The following ZNF148 variants were observed in gnomAD, a reference collection of about 807,000 sequenced individuals.
The protein encoded by ZNF148 is Beta-Enolase Repressor Factor-1.
Under a neutral mutation model 67.7 loss-of-function variants are expected in ZNF148, and 7 were observed. That is an observed-to-expected ratio of 0.10 (90% CI 0.06 to 0.19). The LOEUF (loss-of-function observed/expected upper bound fraction) is 0.19. Ranked by LOEUF, ZNF148 falls within the 10% of genes least tolerant of loss-of-function variation. The pLI, the probability that ZNF148 is intolerant of heterozygous loss-of-function variation, is 1.00. For synonymous variants in ZNF148, 333 were observed against 330.7 expected, an observed-to-expected ratio of 1.01 and a Z score of -0.08; for missense variants, 583 against 947.1, an observed-to-expected ratio of 0.62 and a Z score of 5.05.
chr3:125,272,043 T>C (rs1052637284), intron 7 of ZNF148, among the ~76,000 whole-genome samples: 15 of 152,210 alleles, frequency 9.9e-5, no homozygotes, highest in Non-Finnish European at 2.9e-5. Flanking sequence ...GCTTCCATCA[T>C]ACCTTTGCTT....
At chr3:125,328,046 G>A (rs1187758365) in intron 2 of ZNF148, among the ~76,000 whole-genome samples, 1 of 151,504 alleles carries the variant, frequency 6.6e-6, no homozygotes, top group Non-Finnish European at 1.5e-5. Flanking sequence ...CTTCCATCAT[G>A]AGTCCCAATA....
chr3:125,256,129 C>T (rs1408575359), intron 7 of ZNF148, among the ~76,000 whole-genome samples: 4 of 151,558 alleles, frequency 2.6e-5, no homozygotes, highest in African/African-American at 4.9e-5. Flanking sequence ...TTTGGGAGGC[C>T]GAGGCGGGTG....
intron 7 of ZNF148, among the ~76,000 whole-genome samples, chr3:125,277,453 T>C (rs1479246139): frequency 2.0e-5 from 3 of 152,178 alleles, no homozygotes; most frequent in Admixed American, 1.3e-4. Flanking sequence ...CCTAAGGAAA[T>C]AGCAATTTCA....
intron 4 of ZNF148, among the ~76,000 whole-genome samples, chr3:125,299,252 T>C (rs1218940256): frequency 1.3e-5 from 2 of 152,378 alleles, no homozygotes; most frequent in East Asian, 3.8e-4. Context: ...GGTGTACTAC[T>C]AGTTTAAGAG....
At position 125,279,173 on chromosome 3, in the gene ZNF148, A is replaced by G; in HGVS notation, c.534T>C (p.Ala178=). The part of the protein sequence containing the change: ...PKSHVCEHCN[A]AFRTNYHLQR... ...GTAAGTGATAGTTCGTTCTAAAGGC[A>G]GCATTGCAGTGCTCACAAACGTGAG... The change falls in exon 6 of 9, where the codon GCT becomes GCC. Residue 178 remains alanine, a synonymous_variant. Coordinates refer to ENST00000360647, the MANE Select transcript of ZNF148 (RefSeq NM_021964.3). 6.2e-7 allele frequency: 1 copy of G among 1,609,968 alleles called. No individual in the cohort carries two copies. The highest frequency in any genetic ancestry group is 1.1e-5 in the South Asian group (1 of 89,960).
intron 1 of ZNF148, among the ~76,000 whole-genome samples, chr3:125,355,206 TA>T (rs1241408031): frequency 1.3e-5 from 2 of 152,220 alleles, no homozygotes; most frequent in Non-Finnish European, 2.9e-5. Context: ...AAAAGATTTA[TA>T]ATATACATGA....
At chr3:125,277,971 T>C (rs1408195169) in intron 6 of ZNF148, among the ~76,000 whole-genome samples, 162 bp from the exon 7 acceptor site, 2 of 152,076 alleles carry the variant, frequency 1.3e-5, no homozygotes, top group African/African-American at 4.8e-5. Context: ...GTCCTCTCAA[T>C]TTTTTTCCCA....
chr3:125,316,728 C>A (rs1031518450), intron 3 of ZNF148, among the ~76,000 whole-genome samples: 2 of 152,026 alleles, frequency 1.3e-5, no homozygotes, highest in Non-Finnish European at 2.9e-5. Flanking sequence ...TGTTTGAGCT[C>A]CGTATATATT....
intron 1 of ZNF148, among the ~76,000 whole-genome samples, chr3:125,335,116 C>A (rs1941438426): frequency 6.6e-6 from 1 of 152,198 alleles, no homozygotes; most frequent in Non-Finnish European, 1.5e-5. Flanking sequence ...GTACTGCCCA[C>A]CTCCTAACAT....
At chr3:125,359,824 C>T (rs1942480004) in intron 1 of ZNF148, among the ~76,000 whole-genome samples, 1 of 152,226 alleles carries the variant, frequency 6.6e-6, no homozygotes, top group South Asian at 2.1e-4. Flanking sequence ...CAGCGAGCGC[C>T]CACCTGCCTG....
At chr3:125,283,989 A>G (rs1938527737) in intron 5 of ZNF148, among the ~76,000 whole-genome samples, 2 of 152,166 alleles carry the variant, frequency 1.3e-5, no homozygotes, top group South Asian at 4.1e-4. Flanking sequence ...GTACCTGATG[A>G]GAGATCCTGG....
rs1177738341 is a variant in ZNF148 at position 125,243,532 on chromosome 3, T to G, written c.668-9203A>C. 3.3e-5 allele frequency among the ~76,000 whole-genome samples: 5 copies of G among 152,300 alleles called. No individual in the cohort carries two copies. The East Asian group carries it at 9.6e-4, about 29-fold the overall frequency. On this transcript the variant is annotated intron_variant, in intron 7 of 8. Transcript: ENST00000360647. ...TACTTTCGTATGTTTCTGATTCTTTTTTTTGAAGAGCAGGGTCTCACTCTG... is the reference window on the plus strand; with the variant it reads ...TACTTTCGTATGTTTCTGATTCTTTGTTTTGAAGAGCAGGGTCTCACTCTG...
chr3:125,293,172 G>T (rs1379961020), intron 4 of ZNF148, among the ~76,000 whole-genome samples: 1 of 152,040 alleles, frequency 6.6e-6, no homozygotes, highest in Non-Finnish European at 1.5e-5. Context: ...AAGCTCTGAG[G>T]AGTCCTCAGT....
intron 5 of ZNF148, among the ~76,000 whole-genome samples, chr3:125,287,079 C>T (rs1938700186): frequency 6.6e-6 from 1 of 152,068 alleles, no homozygotes; most frequent in African/African-American, 2.4e-5. Flanking sequence ...TGCAAGCCAG[C>T]TCAAGCTGGC....
intron 4 of ZNF148, among the ~76,000 whole-genome samples, chr3:125,298,791 A>AT (rs1418335540): frequency 3.3e-5 from 5 of 150,304 alleles, no homozygotes; most frequent in Non-Finnish European, 4.4e-5. Context: ...TGCCCAGCTA[A>AT]TTTTTTTTTG....
In ZNF148 at chr3:125,248,682, C is replaced by T. The variant is rs77203532; in HGVS notation, c.668-14353G>A. Reference sequence around the variant, plus strand: ...TTTTTTATACTAGCTGCAACTTACACTTTAATTTCATATACACTGTATTTC... The same window carrying T: ...TTTTTTATACTAGCTGCAACTTACATTTTAATTTCATATACACTGTATTTC... On this transcript the variant is annotated intron_variant, in intron 7 of 8. Coordinates refer to ENST00000360647, the MANE Select transcript of ZNF148 (RefSeq NM_021964.3). Among the ~76,000 whole-genome samples the T allele has an allele frequency of 1.3e-4, 20 of 152,300 alleles. No homozygotes were observed. The East Asian group carries it at 3.3e-3, about 25-fold the overall frequency.
intron 1 of ZNF148, among the ~76,000 whole-genome samples, chr3:125,332,432 TATTAAAA>T (rs1941327886): frequency 6.6e-6 from 1 of 152,168 alleles, no homozygotes; most frequent in South Asian, 2.1e-4. Flanking sequence ...TGTTAGACAC[TATTAAAA>T]ATGGGTAAAG....
At chr3:125,310,546 T>C (rs1421062141) in intron 4 of ZNF148, among the ~76,000 whole-genome samples, 3 of 151,754 alleles carry the variant, frequency 2.0e-5, no homozygotes, top group Admixed American at 1.3e-4. Context: ...GCTTCCACTT[T>C]AGGAAAGTAG....
At chr3:125,271,216 G>A (rs1937714609) in intron 7 of ZNF148, among the ~76,000 whole-genome samples, 1 of 152,076 alleles carries the variant, frequency 6.6e-6, no homozygotes, top group African/African-American at 2.4e-5. Flanking sequence ...TTAGCATCAA[G>A]GCTAGACAAT....
Sources: allele counts gnomAD v4.1 joint callset (sites outside exome capture counted in the v4.1 genomes callset), GRCh38; gene constraint gnomAD v4.1.1; transcripts MANE v1.5; gene names NCBI Gene and HGNC (gene_info 2026-07-23, HGNC 2026-07-21).